Variants in VTCN1 observed in about 807,000 individuals in gnomAD.
The protein encoded by VTCN1 is V-set domain containing T cell activation inhibitor 1, also known as V-set domain-containing T-cell activation inhibitor 1.
Under a neutral mutation model 26.5 loss-of-function variants are expected in VTCN1, and 26 were observed. The ratio of observed to expected loss-of-function variants is 0.98; its 90% confidence interval spans 0.72 to 1.36. The LOEUF (loss-of-function observed/expected upper bound fraction) is 1.36. Ranked by LOEUF, VTCN1 falls within the 40% of genes most tolerant of loss-of-function variation. The pLI is 0.00. For synonymous variants in VTCN1, 116 were observed against 130.7 expected (o/e 0.89, Z 0.77); for missense variants, 298 against 337.7 (o/e 0.88, Z 0.92).
At chr1:117,203,918 A>G in intron 1 of VTCN1, 1 of 360,756 alleles carries the variant, frequency 2.8e-6, no homozygotes, top group South Asian at 1.1e-4. Context: ...GGTGATGTGG[A>G]TGCTGCTGGT....
intron 1 of VTCN1, among the ~76,000 whole-genome samples, chr1:117,186,289 A>G (rs1647940004): frequency 6.6e-6 from 1 of 152,228 alleles, no homozygotes; most frequent in African/African-American, 2.4e-5. Flanking sequence ...CAATCGTATT[A>G]AATCTGAGTC....
At chr1:117,185,853 C>T (rs1181747511) in intron 1 of VTCN1, among the ~76,000 whole-genome samples, 3 of 152,168 alleles carry the variant, frequency 2.0e-5, no homozygotes, top group African/African-American at 7.2e-5. Context: ...AGTTGTCCCA[C>T]CTTTCCAGGT....
chr1:117,177,798 T>G (rs887246284), intron 1 of VTCN1, among the ~76,000 whole-genome samples: 2 of 152,028 alleles, frequency 1.3e-5, no homozygotes, highest in Non-Finnish European at 2.9e-5. Context: ...AGATTTCATC[T>G]TGTATGCCAA....
At chr1:117,186,381 T>C (rs542765052) in intron 1 of VTCN1, among the ~76,000 whole-genome samples, 1 of 152,350 alleles carries the variant, frequency 6.6e-6, no homozygotes, top group East Asian at 1.9e-4. Context: ...GACAGCCAAA[T>C]GAAGCGTCTT....
intron 1 of VTCN1, among the ~76,000 whole-genome samples, chr1:117,187,308 T>TTA (rs1349361294): frequency 8.4e-5 from 2 of 23,692 alleles, no homozygotes; most frequent in Non-Finnish European, 1.6e-4. Context: ...AGACCTTGTC[T>TTA]CAAAAAAAAA....
At chr1:117,201,199 T>C (rs1046082495) in intron 1 of VTCN1, among the ~76,000 whole-genome samples, 1 of 152,184 alleles carries the variant, frequency 6.6e-6, no homozygotes, top group African/African-American at 2.4e-5. Context: ...GTCCAACTTA[T>C]AAAGCTGTGT....
chr1:117,156,621 A>G lies in VTCN1; in HGVS notation c.398T>C (p.Ile133Thr), dbSNP rs777162444. ...AGCATTCCCCTTGCCTTTAGAAGTG[A>G]TGATATAACATTTGTAGGTGCCAGC... ...TDAGTYKCYI[I>T]TSKGKGNANL... The change falls in exon 3 of 6, where the codon ATC (isoleucine) becomes ACC (threonine). Residue 133 changes from isoleucine (I) to threonine (T), a missense_variant. By Grantham distance (89) the Ile-to-Thr change is moderately conservative. Coordinates refer to ENST00000369458, the MANE Select transcript of VTCN1 (RefSeq NM_024626.4). 24 of 1,612,990 alleles carry G rather than the reference A, an allele frequency of 1.5e-5. No individual in the cohort carries two copies. The highest frequency in any genetic ancestry group is 2.0e-5 in the Non-Finnish European group (24 of 1,179,518).
intron 1 of VTCN1, among the ~76,000 whole-genome samples, chr1:117,196,114 T>TG (rs1412316035): frequency 6.6e-6 from 1 of 152,130 alleles, no homozygotes; most frequent in African/African-American, 2.4e-5. Flanking sequence ...ATAGTACCAC[T>TG]GCACTCCAGG....
At position 117,156,814 on chromosome 1, in the gene VTCN1, T is replaced by C; in HGVS notation, c.205A>G (p.Ile69Val). The C allele has an allele frequency of 6.2e-7, 1 of 1,614,112 alleles. No homozygotes were observed. The highest frequency in any genetic ancestry group is 8.5e-7 in the Non-Finnish European group (1 of 1,180,028). Residue 69 changes from isoleucine (I) to valine (V), a missense_variant, in exon 3 of 6, where the codon ATA (isoleucine) becomes GTA (valine). Ile to Val is a conservative substitution (Grantham distance 29, BLOSUM62 3). Transcript: ENST00000369458. ...AAAACACCTTCCTTCAGCCATTGTATCACGATATCAGAAAGTTTGATGTCA... is the reference window on the plus strand; with the variant it reads ...AAAACACCTTCCTTCAGCCATTGTACCACGATATCAGAAAGTTTGATGTCA... ...EPDIKLSDIV[I>V]QWLKEGVLGL...
At chr1:117,151,179 C>CCCAA (rs964182254) in intron 4 of VTCN1, among the ~76,000 whole-genome samples, 3 of 151,660 alleles carry the variant, frequency 2.0e-5, no homozygotes, top group African/African-American at 7.3e-5. Context: ...AGCCACCATG[C>CCCAA]CCAACCTGAG....
intron 1 of VTCN1, among the ~76,000 whole-genome samples, chr1:117,200,530 G>A (rs1648739299): frequency 6.6e-6 from 1 of 152,100 alleles, no homozygotes; most frequent in Admixed American, 6.6e-5. Flanking sequence ...AGACCTAAGG[G>A]ACAGGTAAAC....
intron 1 of VTCN1, among the ~76,000 whole-genome samples, chr1:117,178,456 C>G (rs1470779546): frequency 6.6e-6 from 1 of 151,558 alleles, no homozygotes; most frequent in Non-Finnish European, 1.5e-5. Context: ...TGGGATTTCA[C>G]TATGTTGGCC....
At chr1:117,202,584 A>C (rs1648842278) in intron 1 of VTCN1, among the ~76,000 whole-genome samples, 1 of 152,242 alleles carries the variant, frequency 6.6e-6, no homozygotes, top group Admixed American at 6.5e-5. Context: ...GTAAGTTGAA[A>C]AGGAAATAAG....
chr1:117,206,867 A>G (rs1213233735), intron 1 of VTCN1, among the ~76,000 whole-genome samples: 1 of 152,198 alleles, frequency 6.6e-6, no homozygotes, highest in Non-Finnish European at 1.5e-5. Flanking sequence ...GGTGCCACCT[A>G]TTTAAGTCTT....
chr1:117,162,894 C>A (rs74750088), intron 2 of VTCN1, among the ~76,000 whole-genome samples: 1 of 152,150 alleles, frequency 6.6e-6, no homozygotes, highest in Non-Finnish European at 1.5e-5. Context: ...CAGCCCACAG[C>A]GCTGGATAAA....
intron 1 of VTCN1, among the ~76,000 whole-genome samples, chr1:117,190,690 G>A (rs1383108073): frequency 6.6e-6 from 1 of 152,176 alleles, no homozygotes; most frequent in African/African-American, 2.4e-5. Flanking sequence ...AGACTCAGGA[G>A]CAGTTATGTA....
At chr1:117,209,848 G>A (rs1481599605) in intron 1 of VTCN1, among the ~76,000 whole-genome samples, 1 of 152,176 alleles carries the variant, frequency 6.6e-6, no homozygotes, top group African/African-American at 2.4e-5. Flanking sequence ...AACTTTCTAG[G>A]CTGCCTCTGG....
intron 1 of VTCN1, among the ~76,000 whole-genome samples, chr1:117,193,309 T>C (rs944283942): frequency 6.6e-6 from 1 of 152,128 alleles, no homozygotes; most frequent in Admixed American, 6.5e-5. Context: ...AAAGACAGAA[T>C]GATTGAACAG....
At chr1:117,156,991 C>T in intron 2 of VTCN1, 70 bp from the exon 3 acceptor site, 1 of 1,609,962 alleles carries the variant, frequency 6.2e-7, no homozygotes, top group South Asian at 1.1e-5. Flanking sequence ...CCCTTCATTG[C>T]TGAAAGCCAG....
Sources: gnomAD v4.1 joint callset for allele counts (sites outside exome capture counted in the v4.1 genomes callset) on GRCh38, gnomAD v4.1.1 for gene constraint, MANE v1.5 for transcripts, NCBI Gene and HGNC (gene_info 2026-07-23, HGNC 2026-07-21) for gene names.